Variants in SRR observed in about 807,000 individuals in gnomAD.
SRR encodes D-serine ammonia-lyase.
SRR carries 19 observed loss-of-function variants against 32.7 expected under a neutral mutation model. That is an observed-to-expected ratio of 0.58 (90% CI 0.40 to 0.85). The LOEUF (loss-of-function observed/expected upper bound fraction) is 0.85, where lower values mean the gene tolerates loss of function less well. Ranked by LOEUF, SRR falls within the 40% of genes least tolerant of loss-of-function variation. The pLI, the probability that SRR is intolerant of heterozygous loss-of-function variation, is 0.00. For synonymous variants in SRR, 142 were observed against 140.9 expected, an observed-to-expected ratio of 1.01 and a Z score of -0.06; for missense variants, 373 against 404.7, an observed-to-expected ratio of 0.92 and a Z score of 0.67.
chr17:2,306,807 C>G, intron 1 of SRR: 1 of 742,566 alleles, frequency 1.3e-6, no homozygotes. Context: ...TGAAGAAGCT[C>G]TTCATTGGAG....
At chr17:2,322,876 T>G in intron 6 of SRR, 1 of 421,884 alleles carries the variant, frequency 2.4e-6, no homozygotes, top group Admixed American at 3.6e-5. Flanking sequence ...GTGATTCTCC[T>G]ACCTCAGCCT....
At chr17:2,311,329 G>A (rs1159480702) in intron 1 of SRR, among the ~76,000 whole-genome samples, 1 of 151,738 alleles carries the variant, frequency 6.6e-6, no homozygotes, top group East Asian at 1.9e-4. Context: ...GGGCATAATT[G>A]ACATTAAAAA....
chr17:2,320,002 T>G (rs374727021), intron 4 of SRR, among the ~76,000 whole-genome samples: 32 of 149,046 alleles, frequency 2.1e-4, no homozygotes, highest in African/African-American at 7.9e-4. Context: ...CTATTTTTAG[T>G]AGAGACGGGG....
intron 1 of SRR, among the ~76,000 whole-genome samples, chr17:2,308,161 T>C (rs1206191732): frequency 6.6e-6 from 1 of 151,952 alleles, no homozygotes; most frequent in East Asian, 1.9e-4. Context: ...AAATATTGCA[T>C]AATGGAATCC....
chr17:2,303,926 G>A (rs1597253016), upstream of SRR: 1 of 438,824 alleles, frequency 2.3e-6, no homozygotes, highest in East Asian at 4.2e-5. Flanking sequence ...GCGAGAGCCT[G>A]GGTGGGGCGG....
At chr17:2,318,619 A>ATTTTTTTTTTTTTTTTT (rs35847724) in intron 3 of SRR, among the ~76,000 whole-genome samples, 3 of 92,550 alleles carry the variant, frequency 3.2e-5, no homozygotes, top group African/African-American at 8.6e-5. Flanking sequence ...ATGCCTGGCT[A>ATTTTTTTTTTTTTTTTT]TTTTTTTTTT....
At chr17:2,306,448 G>A (rs1272388723) in intron 1 of SRR, among the ~76,000 whole-genome samples, 3 of 152,020 alleles carry the variant, frequency 2.0e-5, no homozygotes, top group Non-Finnish European at 4.4e-5. Flanking sequence ...CAGGCCCCGT[G>A]GCTCATGCCT....
intron 6 of SRR, 109 bp downstream of exon 6, chr17:2,321,725 C>G (rs1388488472): frequency 6.1e-6 from 6 of 982,982 alleles, no homozygotes; most frequent in African/African-American, 3.2e-5. Flanking sequence ...ATTCCTTCCC[C>G]TTATTCCTTT....
In SRR at chr17:2,324,245, C is replaced by A; in HGVS notation, c.*372C>A. On this transcript the variant is annotated 3_prime_UTR_variant, in exon 8 of 8. Coordinates refer to ENST00000344595, the MANE Select transcript of SRR (RefSeq NM_021947.3). ...TGTTGAAGAAATCTCACTTTTCAGC[C>A]AGGGTACTGGTTCTGGTACATATGG... 1.3e-6 allele frequency: 2 copies of A among 1,532,460 alleles called. No homozygotes were observed. The highest frequency in any genetic ancestry group is 1.7e-6 in the Non-Finnish European group (2 of 1,146,216). The allele number at this position is 1,532,460 out of a possible 1,614,324, so 94.9% of individuals were successfully genotyped here.
intron 4 of SRR, among the ~76,000 whole-genome samples, chr17:2,319,594 G>A (rs1395741910): frequency 6.6e-6 from 1 of 151,692 alleles, no homozygotes. Context: ...AATCCTCTCT[G>A]ATAACCCTCT....
rs1567781769 is a variant in SRR, at chr17:2,325,113, A to G, written c.*1240A>G. The G allele has an allele frequency of 8.3e-6, 5 of 602,400 alleles. No homozygotes were observed. The East Asian group carries it at 1.4e-4, about 17-fold the overall frequency. 37.3% of individuals were successfully genotyped at this position (602,400 alleles called of 1,614,324 possible). ...AAAGGCAGTTATTTGAGGACTGGCT[A>G]TACACTGTTTCACGTAAAAGTTGGA... On this transcript the variant is annotated 3_prime_UTR_variant, in exon 8 of 8. Coordinates refer to ENST00000344595, the MANE Select transcript of SRR (RefSeq NM_021947.3).
At chr17:2,317,557 G>A (rs2075486740) in intron 2 of SRR, among the ~76,000 whole-genome samples, 1 of 151,476 alleles carries the variant, frequency 6.6e-6, no homozygotes, top group Non-Finnish European at 1.5e-5. Flanking sequence ...GGTGGCAGGT[G>A]CCTATAATCC....
chr17:2,325,042 A>G lies in SRR; in HGVS notation c.*1169A>G. The G allele has an allele frequency of 1.6e-6, 1 of 615,024 alleles. No individual in the cohort carries two copies. The highest frequency in any genetic ancestry group is 2.7e-6 in the Non-Finnish European group (1 of 365,058). 38.1% of individuals were successfully genotyped at this position (615,024 alleles called of 1,614,324 possible). A position where few individuals can be genotyped will look rare whatever the true frequency, so the allele number is the denominator to read the frequency against. On this transcript the variant is annotated 3_prime_UTR_variant, in exon 8 of 8. Coordinates refer to ENST00000344595, the MANE Select transcript of SRR (RefSeq NM_021947.3). ...TTCAAGAGAAATGATGTATAACAAAACCATACTTTTTCTCATCAGTTGTTA... is the reference window on the plus strand; with the variant it reads ...TTCAAGAGAAATGATGTATAACAAAGCCATACTTTTTCTCATCAGTTGTTA...
intron 2 of SRR, among the ~76,000 whole-genome samples, chr17:2,316,977 C>A (rs567677983): frequency 8.0e-4 from 121 of 150,484 alleles, no homozygotes; most frequent in African/African-American, 2.8e-3. Context: ...CCGCCTCTGC[C>A]TCCCAAAGTG....
intron 2 of SRR, among the ~76,000 whole-genome samples, chr17:2,317,085 C>T (rs2075480141): frequency 6.6e-6 from 1 of 151,284 alleles, no homozygotes; most frequent in African/African-American, 2.4e-5. Flanking sequence ...CACCTGTAAT[C>T]CCAGCTGCTT....
chr17:2,323,738 A>G lies in SRR; in HGVS notation c.888A>G (p.Gln296=). Residue 296 remains glutamine (Q), a synonymous_variant, in exon 8 of 8, where the codon CAA becomes CAG. Coordinates refer to ENST00000344595, the MANE Select transcript of SRR (RefSeq NM_021947.3). ...AGVGVAAVLS[Q]HFQTVSPEVK... ...TTGGAGTGGCTGCTGTGCTGTCTCA[A>G]CATTTTCAAACTGTTTCCCCAGAAG... 6.2e-7 allele frequency: 1 copy of G among 1,614,214 alleles called. No individual in the cohort carries two copies. Among genetic ancestry groups the G allele is most frequent in the South Asian group, 1.1e-5 (1 of 91,088 alleles).
In SRR at chr17:2,324,360, T is replaced by C. The variant is rs140027691; in HGVS notation, c.*487T>C. 513 of 1,565,866 alleles carry C rather than the reference T, an allele frequency of 3.3e-4. 1 individual carries two copies. The highest frequency in any genetic ancestry group is 3.1e-3 in the Admixed American group (158 of 51,606). The stretch of plus-strand genomic sequence containing the variant: ...AGCTTCCCATCAAAGCTGCATTTCA[T>C]GTGGCCATGGGTACCTAGAAAGACA... On this transcript the variant is annotated 3_prime_UTR_variant, in exon 8 of 8. Transcript: ENST00000344595.
At chr17:2,314,378 T>G (rs1403132794) in intron 1 of SRR, among the ~76,000 whole-genome samples, 1 of 151,910 alleles carries the variant, frequency 6.6e-6, no homozygotes, top group African/African-American at 2.4e-5. Context: ...GGTCAGGAGA[T>G]TGAGACTATC....
intron 1 of SRR, among the ~76,000 whole-genome samples, chr17:2,306,610 G>C (rs2075392467): frequency 1.3e-5 from 2 of 151,890 alleles, no homozygotes; most frequent in African/African-American, 2.4e-5. Context: ...CCAGCTACTT[G>C]GGAGACTGAG....
Sources: allele counts gnomAD v4.1 joint callset (sites outside exome capture counted in the v4.1 genomes callset), GRCh38; gene constraint gnomAD v4.1.1; transcripts MANE v1.5; gene names NCBI Gene and HGNC (gene_info 2026-07-23, HGNC 2026-07-21).